BAHD1: variants seen among roughly 807,000 people sequenced by gnomAD.
BAHD1 encodes the protein bromo adjacent homology domain-containing 1 protein.
BAHD1 carries 20 observed loss-of-function variants against 63.1 expected under a neutral mutation model. The ratio of observed to expected loss-of-function variants is 0.32; its 90% CI spans 0.22 to 0.46. The LOEUF (loss-of-function observed/expected upper bound fraction) is 0.46, where lower values mean the gene tolerates loss of function less well. Among genes scored for constraint, BAHD1 ranks in the 20% least tolerant of loss-of-function variants. The pLI is 1.00. For synonymous variants in BAHD1, 408 were observed against 426.8 expected (o/e 0.96, Z 0.54); for missense variants, 939 against 1,071.8 (o/e 0.88, Z 1.73).
rs370905708 is a variant in BAHD1, at chr15:40,452,465, T to G, written c.-14-5986T>G. The stretch of plus-strand genomic sequence containing the variant: ...ATCTGAGGAACTTGGCCTTTCACTG[T>G]AGAGTTGAGTATTTCTCAGAGACAC... On this transcript the variant is annotated intron_variant, in intron 1 of 6. Coordinates refer to ENST00000416165, the MANE Select transcript of BAHD1 (RefSeq NM_014952.5). Among the ~76,000 whole-genome samples the G allele has an allele frequency of 4.6e-5, 7 of 152,322 alleles. No homozygotes were observed. In the East Asian group the frequency reaches 1.3e-3, roughly 29 times the overall value.
In BAHD1 at chr15:40,462,221, G is replaced by A. The variant is rs746214980; in HGVS notation, c.1742G>A (p.Arg581His). 8 of 1,611,314 alleles carry A rather than the reference G, an allele frequency of 5.0e-6. No homozygotes were observed. The highest frequency in any genetic ancestry group is 5.1e-6 in the Non-Finnish European group (6 of 1,179,156). ...KQPRVQRPRP[R>H]RRRRRRTNGW... is the part of the protein sequence containing the mutation. ...CCACGTGTCCAGCGCCCACGCCCTC[G>A]CCGCCGCCGTCGCCGCCGCACTAAT... Residue 581 changes from arginine to histidine, a missense_variant, in exon 3 of 7, where the codon CGC (arginine) becomes CAC (histidine). Arg to His is a conservative substitution (Grantham distance 29). This residue lies in a region of BAHD1 where 797 missense variants were observed against 813.3 expected (regional missense o/e 0.98). Transcript: ENST00000416165.
intron 2 of BAHD1, among the ~76,000 whole-genome samples, 191 bp downstream of exon 2, chr15:40,460,087 T>C (rs759674659): frequency 1.3e-5 from 2 of 152,132 alleles, no homozygotes; most frequent in Non-Finnish European, 2.9e-5. Context: ...ACAGGGCCCG[T>C]ATAGCTCTGG....
Position 40,464,048 on chromosome 15 carries a change from A to G in BAHD1, c.1975+28A>G, listed in dbSNP as rs201224593. On this transcript the variant is annotated intron_variant, in intron 4 of 6. Coordinates refer to ENST00000416165, the MANE Select transcript of BAHD1 (RefSeq NM_014952.5). ...ACCTCTCCCTCTGGCTGGGGACCCA[A>G]GGGGCAGCTGCCTTCAGCAGAACTG... 309 of 1,611,400 alleles carry G rather than the reference A, an allele frequency of 1.9e-4. 1 individual carries two copies. The highest frequency in any genetic ancestry group is 6.7e-5 in the East Asian group (3 of 44,854).
chr15:40,467,955 C>G lies in BAHD1; in HGVS notation c.*1825C>G, dbSNP rs1894261886. On this transcript the variant is annotated 3_prime_UTR_variant, in exon 7 of 7. Transcript: ENST00000416165. ...CCAGGAGGTAGGGTCTTGGCTGCCC[C>G]GAACTTAAATGCTTTTGAAATCTCT... 1 of 152,502 alleles carries G rather than the reference C, an allele frequency of 6.6e-6. No individual in the cohort carries two copies. The highest frequency in any genetic ancestry group is 2.4e-5 in the African/African-American group (1 of 41,394). 9.4% of individuals were successfully genotyped at this position (152,502 alleles called of 1,614,324 possible).
intron 1 of BAHD1, among the ~76,000 whole-genome samples, chr15:40,446,331 G>T (rs1472470463): frequency 6.6e-6 from 1 of 152,236 alleles, no homozygotes; most frequent in East Asian, 1.9e-4. Flanking sequence ...ACTGAACACC[G>T]GCCCAGCCCT....
In BAHD1 at chr15:40,459,393, T is replaced by A. The variant is rs200317387; in HGVS notation, c.929T>A (p.Leu310Gln). 20 of 1,612,720 alleles carry A rather than the reference T, an allele frequency of 1.2e-5. No homozygotes were observed. The East Asian group carries it at 4.2e-4, about 34-fold the overall frequency. ...AAGGCTCTGGAGAGCCCTTTGGGGC[T>A]GCGCCCTCACCTGCCCCTGCTGATG... ...LSKALESPLG[L>Q]RPHLPLLMGG... The change falls in exon 2 of 7, where the codon CTG becomes CAG. Residue 310 changes from leucine to glutamine, a missense_variant. Transcript: ENST00000416165.
intron 1 of BAHD1, among the ~76,000 whole-genome samples, chr15:40,451,162 A>AC (rs1893690381): frequency 6.6e-6 from 1 of 151,564 alleles, no homozygotes; most frequent in Non-Finnish European, 1.5e-5. Flanking sequence ...AAAAAAAAAA[A>AC]AAAAAAAAAA....
upstream of BAHD1, among the ~76,000 whole-genome samples, chr15:40,439,495 C>G (rs12440175): frequency 6.6e-6 from 1 of 152,218 alleles, no homozygotes; most frequent in Non-Finnish European, 1.5e-5. Context: ...TCCGAAGCCC[C>G]TGGGCCACAC....
upstream of BAHD1, among the ~76,000 whole-genome samples, chr15:40,438,813 G>A (rs571565194): frequency 2.0e-4 from 31 of 152,286 alleles, no homozygotes; most frequent in Non-Finnish European, 3.2e-4. Flanking sequence ...TGGCCCTCCC[G>A]GCCTCCATCC....
At chr15:40,446,865 T>C (rs913898338) in intron 1 of BAHD1, among the ~76,000 whole-genome samples, 1 of 152,200 alleles carries the variant, frequency 6.6e-6, no homozygotes, top group Non-Finnish European at 1.5e-5. Flanking sequence ...TGTTGATGGC[T>C]CCTACTTTTA....
Position 40,467,401 on chromosome 15 carries a change from T to C in BAHD1, c.*1271T>C, listed in dbSNP as rs969730744. ...GTGGGAGAGGGAGTGGAGTGCAGTG[T>C]GGCTTGGGCCTGGTGCTGGGAACCT... On this transcript the variant is annotated 3_prime_UTR_variant, in exon 7 of 7. Coordinates refer to ENST00000416165, the MANE Select transcript of BAHD1 (RefSeq NM_014952.5). The C allele has an allele frequency of 6.5e-6, 1 of 153,216 alleles. No individual in the cohort carries two copies. Among genetic ancestry groups the C allele is most frequent in the Non-Finnish European group, 1.5e-5 (1 of 68,560 alleles). The allele number at this position is 153,216 out of a possible 1,614,324, so 9.5% of individuals were successfully genotyped here.
chr15:40,447,919 C>T (rs1274703612), intron 1 of BAHD1, among the ~76,000 whole-genome samples: 1 of 152,116 alleles, frequency 6.6e-6, no homozygotes, highest in Non-Finnish European at 1.5e-5. Flanking sequence ...TTATTTAGCC[C>T]AGACTTCTTA....
intron 1 of BAHD1, among the ~76,000 whole-genome samples, chr15:40,452,589 CTGCT>C (rs1420394512): frequency 6.6e-6 from 1 of 152,118 alleles, no homozygotes; most frequent in Non-Finnish European, 1.5e-5. Context: ...CAGGCAGCCT[CTGCT>C]TGTGGGAGTG....
chr15:40,445,567 A>C (rs1298863423), intron 1 of BAHD1, among the ~76,000 whole-genome samples: 1 of 152,142 alleles, frequency 6.6e-6, no homozygotes, highest in Non-Finnish European at 1.5e-5. Flanking sequence ...GAGAATAAAA[A>C]CCTTAAGGAA....
At position 40,459,345 on chromosome 15, in the gene BAHD1, A is replaced by G; in HGVS notation, c.881A>G (p.Gln294Arg). 1.9e-6 allele frequency: 3 copies of G among 1,613,156 alleles called. No homozygotes were observed. The highest frequency in any genetic ancestry group is 2.5e-6 in the Non-Finnish European group (3 of 1,179,972). ...GCAACTCCTTGTGGGCCATCCGTCC[A>G]GCCATCTCATCAGCCCCTGAGCAAG... ...PSATPCGPSV[Q>R]PSHQPLSKAL... The change falls in exon 2 of 7, where the codon CAG becomes CGG. Residue 294 changes from glutamine (Q) to arginine (R), a missense_variant. Gln to Arg is a conservative substitution (Grantham distance 43, BLOSUM62 1). Transcript: ENST00000416165.
rs138024672 is a variant in BAHD1, at chr15:40,461,976, C to T, written c.1497C>T (p.Pro499=). The change falls in exon 3 of 7, where the codon CCC becomes CCT. Residue 499 remains proline, a synonymous_variant. Transcript: ENST00000416165. ...PLPEAGHPAS[P]AHPLLGCPVP... is the part of the protein sequence containing the mutation. ...CGGAAGCTGGCCACCCAGCCTCACC[C>T]GCCCACCCACTCCTGGGGTGCCCTG... 2.4e-5 allele frequency: 39 copies of T among 1,612,572 alleles called. No homozygotes were observed. In the African/African-American group the frequency reaches 2.9e-4, roughly 12 times the overall value.
Position 40,459,075 on chromosome 15 carries a change from T to C in BAHD1, c.611T>C (p.Leu204Pro). ...RRDGDPAPKR[L>P]ASLNAAAFLK... ...GATGGAGACCCAGCTCCCAAGAGAC[T>C]GGCTAGCCTGAACGCAGCTGCTTTC... Residue 204 changes from leucine to proline, a missense_variant, in exon 2 of 7, where the codon CTG (leucine) becomes CCG (proline). Physicochemically the swap from Leu to Pro is moderately conservative, Grantham distance 98. Transcript: ENST00000416165. 6.2e-7 allele frequency: 1 copy of C among 1,612,450 alleles called. No homozygotes were observed. The highest frequency in any genetic ancestry group is 8.5e-7 in the Non-Finnish European group (1 of 1,179,546).
At position 40,440,961 on chromosome 15, in the gene BAHD1, G is replaced by T. The variant is rs1163192552; in HGVS notation, c.-322G>T. The stretch of plus-strand genomic sequence containing the variant: ...GAGGCTCCGCTCTCGGGGAGTTTGT[G>T]GGGGAACCGCGAGCGGCGTAGCGGA... On this transcript the variant is annotated 5_prime_UTR_variant, in exon 1 of 7. Transcript: ENST00000416165. Among the ~76,000 whole-genome samples, 2 of 151,732 alleles carry T rather than the reference G, an allele frequency of 1.3e-5. No individual in the cohort carries two copies. Among genetic ancestry groups the T allele is most frequent in the South Asian group, 2.1e-4 (1 of 4,836 alleles).
At chr15:40,444,211 C>G (rs533407091) in intron 1 of BAHD1, among the ~76,000 whole-genome samples, 1 of 152,222 alleles carries the variant, frequency 6.6e-6, no homozygotes, top group East Asian at 1.9e-4. Flanking sequence ...CTGAGTTAGG[C>G]AGGAACAAGG....
Sources: allele counts gnomAD v4.1 joint callset (sites outside exome capture counted in the v4.1 genomes callset), GRCh38; gene constraint gnomAD v4.1.1; regional missense constraint gnomAD v4.1.1; transcripts MANE v1.5; gene names NCBI Gene and HGNC (gene_info 2026-07-23, HGNC 2026-07-21).